The following CSMD1 variants were observed in gnomAD, a reference collection of about 807,000 sequenced individuals.
CSMD1 encodes CUB and sushi domain-containing protein 1.
Under a neutral mutation model 417.5 loss-of-function variants are expected in CSMD1, and 213 were observed. The observed-to-expected ratio is 0.51, with a 90% CI of 0.46 to 0.57. The LOEUF (loss-of-function observed/expected upper bound fraction) is 0.57, where lower values mean the gene tolerates loss of function less well. Ranked by LOEUF, CSMD1 falls within the 20% of genes least tolerant of loss-of-function variation. The pLI, the probability that CSMD1 is intolerant of heterozygous loss-of-function variation, is 0.00. For missense variants in CSMD1, 6,923 were observed against 4,529.7 expected (o/e 1.53, Z -15.17); for synonymous variants, 2,862 against 1,736.8 (o/e 1.65, Z -16.11).
At chr8:3,387,379 C>G (rs1811069535) in intron 18 of CSMD1, 115 bp downstream of exon 18, 4 of 781,552 alleles carry the variant, frequency 5.1e-6, no homozygotes, top group Non-Finnish European at 8.0e-6. Context: ...TCAGAGGGAA[C>G]TCACGCCAGT....
intron 3 of CSMD1, among the ~76,000 whole-genome samples, chr8:4,212,219 A>T (rs1042102385): frequency 6.7e-6 from 1 of 150,282 alleles, no homozygotes; most frequent in Non-Finnish European, 1.5e-5. Flanking sequence ...TGTTGTTTTA[A>T]CTTATTATAC....
At chr8:4,362,630 G>T (rs1801837109) in intron 3 of CSMD1, among the ~76,000 whole-genome samples, 1 of 152,106 alleles carries the variant, frequency 6.6e-6, no homozygotes, top group African/African-American at 2.4e-5. Context: ...TCACCAGTTT[G>T]CTACCCCCTC....
chr8:4,788,699 G>C, intron 1 of CSMD1: 1 of 520,172 alleles, frequency 1.9e-6, no homozygotes, highest in Non-Finnish European at 3.4e-6. Flanking sequence ...CAAATAAAAT[G>C]TATTAGTGAA....
At chr8:4,984,524 A>G (rs556094238) in intron 1 of CSMD1, among the ~76,000 whole-genome samples, 92 of 152,314 alleles carry the variant, frequency 6.0e-4, no homozygotes, top group African/African-American at 2.1e-3. Flanking sequence ...TGAAAAACAC[A>G]AAGTTTTCTT....
chr8:3,466,112 T>C (rs1816778435), intron 12 of CSMD1, among the ~76,000 whole-genome samples: 1 of 152,192 alleles, frequency 6.6e-6, no homozygotes. Context: ...AGAGCTCGCA[T>C]TTCTTAAGTT....
intron 7 of CSMD1, among the ~76,000 whole-genome samples, chr8:3,617,906 T>C (rs1410267479): frequency 6.6e-6 from 1 of 152,164 alleles, no homozygotes; most frequent in Non-Finnish European, 1.5e-5. Flanking sequence ...TTTAAATAAT[T>C]CCGTGAGAAG....
At chr8:3,486,595 G>T (rs1256634821) in intron 11 of CSMD1, among the ~76,000 whole-genome samples, 2 of 152,228 alleles carry the variant, frequency 1.3e-5, no homozygotes, top group African/African-American at 4.8e-5. Flanking sequence ...AACTGGAAAT[G>T]ACTCCTGCTG....
chr8:3,370,496 G>A (rs1046648054), intron 18 of CSMD1, among the ~76,000 whole-genome samples: 1 of 152,174 alleles, frequency 6.6e-6, no homozygotes, highest in Non-Finnish European at 1.5e-5. Flanking sequence ...CCACTGTGAT[G>A]GTGAAGGTTA....
intron 3 of CSMD1, among the ~76,000 whole-genome samples, chr8:4,085,531 C>G (rs1167054775): frequency 1.3e-5 from 2 of 152,078 alleles, no homozygotes; most frequent in Non-Finnish European, 1.5e-5. Flanking sequence ...CCTATCCGTT[C>G]TTTGTAACCC....
chr8:4,250,942 A>G (rs554091332), intron 3 of CSMD1, among the ~76,000 whole-genome samples: 7 of 152,286 alleles, frequency 4.6e-5, no homozygotes, highest in Admixed American at 4.6e-4. Context: ...TTTTCTTCAG[A>G]TGACACGTTT....
chr8:4,566,895 C>CAATGAGAAAAACTCAATTTAGG (rs11267326), intron 2 of CSMD1, among the ~76,000 whole-genome samples: 103,823 of 151,290 alleles, frequency 0.69, 36,053 homozygotes, highest in Non-Finnish European at 0.74. Flanking sequence ...TGTTTTCCAG[C>CAATGAGAAAAACTCAATTTAGG]AATGAGAAAA....
At chr8:4,782,309 A>G (rs2117194631) in intron 1 of CSMD1, among the ~76,000 whole-genome samples, 1 of 152,312 alleles carries the variant, frequency 6.6e-6, no homozygotes, top group Admixed American at 6.5e-5. Flanking sequence ...TATGCTAGTT[A>G]CCTTGATTTG....
intron 5 of CSMD1, among the ~76,000 whole-genome samples, chr8:3,936,885 G>A (rs942033273): frequency 2.0e-5 from 3 of 152,124 alleles, no homozygotes; most frequent in African/African-American, 4.8e-5. Context: ...AAAACCCTTT[G>A]GAAAGAATTC....
At chr8:3,804,408 A>G (rs1800619186) in intron 5 of CSMD1, among the ~76,000 whole-genome samples, 1 of 152,188 alleles carries the variant, frequency 6.6e-6, no homozygotes, top group African/African-American at 2.4e-5. Flanking sequence ...CATTAATTAA[A>G]TTTTGTTCCA....
In CSMD1 at chr8:3,451,281, T is replaced by C. The variant is rs199957867; in HGVS notation, c.1561+17431A>G. The stretch of plus-strand genomic sequence containing the variant: ...TCTGTAGGATGCCTGTTCACTCTGA[T>C]GGTAGTTTCTTTTGCTGCACAGAAG... On this transcript the variant is annotated intron_variant, in intron 12 of 69. Transcript: ENST00000635120. 1.4e-4 allele frequency among the ~76,000 whole-genome samples: 22 copies of C among 152,302 alleles called. No homozygotes were observed. In the East Asian group the frequency reaches 3.7e-3, roughly 25 times the overall value.
chr8:3,277,298 G>A lies in CSMD1; in HGVS notation c.4153+6846C>T, dbSNP rs575104983. Among the ~76,000 whole-genome samples the A allele has an allele frequency of 2.7e-4, 41 of 152,274 alleles. No homozygotes were observed. The South Asian group carries it at 6.8e-3, about 25-fold the overall frequency. On this transcript the variant is annotated intron_variant, in intron 26 of 69. Transcript: ENST00000635120. ...ATAGGGGAGAGTTCTAAGCAGAAGT[G>A]AGGCGTTGCCCACGTTGCTGCGGAA...
At chr8:4,841,445 G>A (rs1433384307) in intron 1 of CSMD1, among the ~76,000 whole-genome samples, 2 of 152,116 alleles carry the variant, frequency 1.3e-5, no homozygotes, top group East Asian at 3.9e-4. Context: ...CACATGTTAT[G>A]TGTTCAGTGT....
chr8:4,821,568 T>C (rs1799526157), intron 1 of CSMD1, among the ~76,000 whole-genome samples: 1 of 152,142 alleles, frequency 6.6e-6, no homozygotes, highest in Non-Finnish European at 1.5e-5. Context: ...TGAAATCCCC[T>C]AGTAATCAGG....
chr8:4,212,480 G>T (rs1341799193), intron 3 of CSMD1, among the ~76,000 whole-genome samples: 10 of 151,958 alleles, frequency 6.6e-5, no homozygotes, highest in Admixed American at 1.3e-4. Context: ...TTTCAGACTG[G>T]CAGATGGAAG....
Sources: gnomAD v4.1 joint callset for allele counts (sites outside exome capture counted in the v4.1 genomes callset) on GRCh38, gnomAD v4.1.1 for gene constraint, MANE v1.5 for transcripts, NCBI Gene and HGNC (gene_info 2026-07-23, HGNC 2026-07-21) for gene names.